Variants in FLOT1 observed in about 807,000 individuals in gnomAD.
The protein encoded by FLOT1 is flotillin 1.
In FLOT1, 40 loss-of-function variants were observed where a neutral mutation model predicts 58.4. The observed-to-expected ratio is 0.69, with a 90% confidence interval of 0.53 to 0.89. The LOEUF is 0.89. Ranked by LOEUF, FLOT1 falls within the 40% of genes least tolerant of loss-of-function variation. The probability of loss-of-function intolerance (pLI) is 0.00; values close to 1 mark genes in which losing one functional copy is unlikely to be tolerated. For missense variants in FLOT1, 423 were observed against 540.8 expected, an observed-to-expected ratio of 0.78 and a Z score of 2.16; for synonymous variants, 178 against 204.2, an observed-to-expected ratio of 0.87 and a Z score of 1.09.
chr6:30,738,702 C>T (rs1777754404), intron 8 of FLOT1, among the ~76,000 whole-genome samples: 1 of 152,158 alleles, frequency 6.6e-6, no homozygotes, highest in African/African-American at 2.4e-5. Context: ...ACGAAGCTTA[C>T]CTAACACATG....
In FLOT1 at chr6:30,740,484, C is replaced by T. The variant is rs1448710931; in HGVS notation, c.570+12G>A. 6.2e-7 allele frequency: 1 copy of T among 1,611,372 alleles called. No individual in the cohort carries two copies. ...ATCCCCTTTCCCACTAAGCAACCCC[C>T]ATCTCTCTCACCCGGATCCCAGCAT... is the stretch of plus-strand genomic sequence containing the variant. On this transcript the variant is annotated intron_variant, in intron 7 of 12. Transcript: ENST00000376389.
At chr6:30,728,227 G>T (rs2127758506) in intron 12 of FLOT1, 82 bp from the exon 13 acceptor site, 2 of 1,185,816 alleles carry the variant, frequency 1.7e-6, no homozygotes, top group East Asian at 4.7e-5. Flanking sequence ...CAGTTTAGAC[G>T]AATGGGCTAT....
intron 8 of FLOT1, among the ~76,000 whole-genome samples, chr6:30,734,773 G>A (rs117317335): frequency 1.3e-3 from 203 of 151,874 alleles, no homozygotes; most frequent in East Asian, 0.011. Context: ...AGGCTGGAAT[G>A]AAATGGCACG....
chr6:30,730,026 G>C lies in FLOT1; in HGVS notation c.1250C>G (p.Ser417Cys). The change falls in exon 12 of 13, where the codon TCC (serine) becomes TGC (cysteine). Residue 417 changes from serine (S) to cysteine (C), a missense_variant. Physicochemically the swap from Ser to Cys is moderately radical, Grantham distance 112. Coordinates refer to ENST00000376389, the MANE Select transcript of FLOT1 (RefSeq NM_005803.4). ...AGCTCCAACCTGAGACCTCACCTGG[G>C]AGATGCTCACGCCTGTGAGTCTTTC... ...SVERLTGVSI[S>C]QVNHKPLRTA The C allele has an allele frequency of 6.2e-7, 1 of 1,612,960 alleles. No homozygotes were observed. The highest frequency in any genetic ancestry group is 8.5e-7 in the Non-Finnish European group (1 of 1,179,996).
intron 8 of FLOT1, chr6:30,736,287 GGAAA>G (rs1376051252): frequency 1.3e-5 from 2 of 151,578 alleles, no homozygotes; most frequent in East Asian, 3.9e-4. Flanking sequence ...GAGAAGAGAA[GGAAA>G]GAAAGGAAGA....
intron 12 of FLOT1, 32 bp downstream of exon 12, chr6:30,729,987 TAGC>T (rs1253631424): frequency 6.2e-7 from 1 of 1,602,112 alleles, no homozygotes; most frequent in African/African-American, 1.4e-5. Flanking sequence ...CACAGGAACC[TAGC>T]AATTCTCCTC....
rs1455544332 is a variant in FLOT1, at chr6:30,740,149, G to T, written c.723+9C>A. ...AAGGGGCAGAGAGTGGCCTGGCAGT[G>T]GCTCTGACCTGAAGCTGATAGGCCA... On this transcript the variant is annotated intron_variant, in intron 8 of 12. Transcript: ENST00000376389. 5 of 1,612,516 alleles carry T rather than the reference G, an allele frequency of 3.1e-6. No individual in the cohort carries two copies. The highest frequency in any genetic ancestry group is 3.3e-5 in the Admixed American group (2 of 59,976).
chr6:30,730,542 A>T lies in FLOT1; in HGVS notation c.975T>A (p.Phe325Leu), dbSNP rs749500228. The change falls in exon 11 of 13, where the codon TTT becomes TTA. Residue 325 changes from phenylalanine (F) to leucine (L), a missense_variant. This residue lies in a region of FLOT1 where 106 missense variants were observed against 88.4 expected (regional missense o/e 1.20). Transcript: ENST00000376389. ...CGGCTCGGGCTCGGGCCCCTATGGCAAAGGCCTCAGCTTCCCCACGCATCT... is the reference window on the plus strand; with the variant it reads ...CGGCTCGGGCTCGGGCCCCTATGGCTAAGGCCTCAGCTTCCCCACGCATCT... ...SVRMRGEAEAFAIGARARAEA... is the reference protein window; with the variant it reads ...SVRMRGEAEALAIGARARAEA... The T allele has an allele frequency of 1.9e-6, 3 of 1,611,164 alleles. No individual in the cohort carries two copies. The highest frequency in any genetic ancestry group is 2.5e-6 in the Non-Finnish European group (3 of 1,177,822).
At chr6:30,735,448 TA>T (rs540194352) in intron 8 of FLOT1, among the ~76,000 whole-genome samples, 11,045 of 126,146 alleles carry the variant, frequency 0.088, 599 homozygotes, top group African/African-American at 0.17. Context: ...CCCTCTCTAC[TA>T]AAAAAAAAAA....
chr6:30,742,240 A>G lies in FLOT1; in HGVS notation c.-14-37T>C, dbSNP rs1282737893. On this transcript the variant is annotated intron_variant, in intron 1 of 12. Transcript: ENST00000376389. The surrounding 1 kb of genome is among the most constrained non-coding windows in gnomAD (Gnocchi z 5.2). ...GGAGGGAAAGCCTTTGCGGATGGGG[A>G]AGGCGCGCTGTGGCGTCCACAGGGG... The G allele has an allele frequency of 6.3e-6, 10 of 1,590,368 alleles. No homozygotes were observed. Among genetic ancestry groups the G allele is most frequent in the Non-Finnish European group, 8.6e-6 (10 of 1,159,592 alleles).
rs1464806057 is a variant in FLOT1, at chr6:30,737,296, C to T, written c.723+2862G>A. On this transcript the variant is annotated intron_variant, in intron 8 of 12. Transcript: ENST00000376389. This position sits in a 1 kb window ranked among gnomAD's most constrained non-coding sequence, Gnocchi z 4.4. Reference sequence around the variant, plus strand: ...TATATCTATCTTAGAAGGAGTCTCGCTCTGTCGCCCAGGCTGGAGTGCGGT... The same window carrying T: ...TATATCTATCTTAGAAGGAGTCTCGTTCTGTCGCCCAGGCTGGAGTGCGGT... 6.6e-6 allele frequency among the ~76,000 whole-genome samples: 1 copy of T among 151,536 alleles called. No individual in the cohort carries two copies. The highest frequency in any genetic ancestry group is 1.5e-5 in the Non-Finnish European group (1 of 67,932).
In FLOT1 at chr6:30,741,517, C is replaced by A; in HGVS notation, c.210+97G>T. 7.8e-7 allele frequency: 1 copy of A among 1,280,974 alleles called. No homozygotes were observed. The highest frequency in any genetic ancestry group is 1.2e-5 in the South Asian group (1 of 82,350). The allele number at this position is 1,280,974 out of a possible 1,614,324, so 79.4% of individuals were successfully genotyped here. On this transcript the variant is annotated intron_variant, in intron 4 of 12. Coordinates refer to ENST00000376389, the MANE Select transcript of FLOT1 (RefSeq NM_005803.4). The surrounding 1 kb of genome is among the most constrained non-coding windows in gnomAD (Gnocchi z 5.9). ...ACTAGCAGAGGAACTTCTCTGCAGG[C>A]AAGGGTTGAGAAGACTGTGGCCAGA...
chr6:30,730,050 T>C lies in FLOT1; in HGVS notation c.1226A>G (p.Glu409Gly). The C allele has an allele frequency of 6.2e-7, 1 of 1,613,020 alleles. No individual in the cohort carries two copies. Among genetic ancestry groups the C allele is most frequent in the Non-Finnish European group, 8.5e-7 (1 of 1,180,030 alleles). Residue 409 changes from glutamate (E) to glycine (G), a missense_variant, in exon 12 of 13, where the codon GAA becomes GGA. Coordinates refer to ENST00000376389, the MANE Select transcript of FLOT1 (RefSeq NM_005803.4). The stretch of plus-strand genomic sequence containing the variant: ...GGAGATGCTCACGCCTGTGAGTCTT[T>C]CCACACTCTCTGGCAGGCGAGTTAG... ...DILTRLPESV[E>G]RLTGVSISQV...
chr6:30,741,082 C>G lies in FLOT1; in HGVS notation c.354+108G>C. ...GATTACAGGCATGAACCACCCTGCC[C>G]GGCCGGGATGTATGCTCTTGGATCC... On this transcript the variant is annotated intron_variant, in intron 5 of 12. Transcript: ENST00000376389. The surrounding 1 kb of genome is among the most constrained non-coding windows in gnomAD (Gnocchi z 5.9). 1 of 1,378,774 alleles carries G rather than the reference C, an allele frequency of 7.3e-7. No homozygotes were observed. Among genetic ancestry groups the G allele is most frequent in the Non-Finnish European group, 1.0e-6 (1 of 999,770 alleles). The allele number at this position is 1,378,774 out of a possible 1,614,324, so 85.4% of individuals were successfully genotyped here. A position where few individuals can be genotyped will look rare whatever the true frequency, so the allele number is the denominator to read the frequency against.
intron 8 of FLOT1, among the ~76,000 whole-genome samples, chr6:30,732,511 C>T (rs1422844783): frequency 6.6e-6 from 1 of 152,030 alleles, no homozygotes; most frequent in African/African-American, 2.4e-5. Context: ...AACCAGCACA[C>T]CCGGCTATTT....
At position 30,741,894 on chromosome 6, in the gene FLOT1, G is replaced by C. The variant is rs368949084; in HGVS notation, c.44-27C>G. 7.5e-6 allele frequency: 12 copies of C among 1,603,908 alleles called. No individual in the cohort carries two copies. The African/African-American group carries it at 1.6e-4, about 21-fold the overall frequency. On this transcript the variant is annotated intron_variant, in intron 2 of 12. Coordinates refer to ENST00000376389, the MANE Select transcript of FLOT1 (RefSeq NM_005803.4). The surrounding 1 kb of genome is among the most constrained non-coding windows in gnomAD (Gnocchi z 5.9). ...TGCAAGGTGTGGGGCAGTGAGGAAC[G>C]GTGGCAGAGCTTGAATGTGGAAGAC...
intron 12 of FLOT1, among the ~76,000 whole-genome samples, chr6:30,728,619 G>A (rs1272497429): frequency 2.0e-5 from 3 of 149,512 alleles, no homozygotes; most frequent in East Asian, 2.0e-4. Context: ...ACAGGTATGC[G>A]CCACCATACC....
Position 30,742,137 on chromosome 6 carries a change from C to G in FLOT1, c.43+10G>C. 2 of 1,612,464 alleles carry G rather than the reference C, an allele frequency of 1.2e-6. No individual in the cohort carries two copies. The highest frequency in any genetic ancestry group is 1.7e-6 in the Non-Finnish European group (2 of 1,179,810). On this transcript the variant is annotated intron_variant, in intron 2 of 12. Coordinates refer to ENST00000376389, the MANE Select transcript of FLOT1 (RefSeq NM_005803.4). The surrounding 1 kb of genome is among the most constrained non-coding windows in gnomAD (Gnocchi z 5.2). ...GGGTCACTGGCTGGGAAGGGAACAA[C>G]AGTACTTACCGGAGACCACCATGGC...
At chr6:30,729,468 A>G (rs1447666918) in intron 12 of FLOT1, among the ~76,000 whole-genome samples, 1 of 152,178 alleles carries the variant, frequency 6.6e-6, no homozygotes, top group Admixed American at 6.5e-5. Context: ...CAACAATTCA[A>G]CAGGGTAGTT....
Sources: gnomAD v4.1 joint callset for allele counts (sites outside exome capture counted in the v4.1 genomes callset) on GRCh38, gnomAD v4.1.1 for gene constraint, gnomAD v4.1.1 regional missense constraint, Gnocchi (gnomAD v3.1) non-coding constraint, MANE v1.5 for transcripts, NCBI Gene and HGNC (gene_info 2026-07-23, HGNC 2026-07-21) for gene names.